NIPBL: variants seen among roughly 807,000 people sequenced by gnomAD.
NIPBL encodes the protein nipped-B-like protein.
Under a neutral mutation model 321.8 loss-of-function variants are expected in NIPBL, and 19 were observed. The ratio of observed to expected loss-of-function variants is 0.06; its 90% CI spans 0.04 to 0.09. The LOEUF (loss-of-function observed/expected upper bound fraction) is 0.09. Among genes scored for constraint, NIPBL ranks in the 10% least tolerant of loss-of-function variants. The pLI, the probability that NIPBL is intolerant of heterozygous loss-of-function variation, is 1.00. For missense variants in NIPBL, 2,210 were observed against 3,327.0 expected (o/e 0.66, Z 8.26); for synonymous variants, 1,106 against 1,114.1 (o/e 0.99, Z 0.14).
rs552792437 is a variant in NIPBL, at chr5:37,037,476, C to G, written c.5971+989C>G. ...ATAGATACCCATTGCTTGAAGCGCACAAAGACTAGCATTACTTCCCATCTA... is the reference window on the plus strand; with the variant it reads ...ATAGATACCCATTGCTTGAAGCGCAGAAAGACTAGCATTACTTCCCATCTA... On this transcript the variant is annotated intron_variant, in intron 33 of 46. Coordinates refer to ENST00000282516, the MANE Select transcript of NIPBL (RefSeq NM_133433.4). Among the ~76,000 whole-genome samples the G allele has an allele frequency of 2.1e-4, 32 of 149,398 alleles. 1 individual carries two copies. The South Asian group carries it at 6.5e-3, about 30-fold the overall frequency.
At chr5:37,036,056 A>G (rs1416387559) in intron 32 of NIPBL, among the ~76,000 whole-genome samples, 1 of 152,064 alleles carries the variant, frequency 6.6e-6, no homozygotes, top group Non-Finnish European at 1.5e-5. Flanking sequence ...TGATTGGAAT[A>G]GGGAGAAAGG....
chr5:36,991,150 G>T (rs1220803537), intron 10 of NIPBL, among the ~76,000 whole-genome samples: 1 of 151,960 alleles, frequency 6.6e-6, no homozygotes, highest in African/African-American at 2.4e-5. Flanking sequence ...TGGCTGTAAT[G>T]TATCAATTTT....
chr5:36,952,333 G>A (rs1340365624), intron 1 of NIPBL, among the ~76,000 whole-genome samples: 1 of 151,940 alleles, frequency 6.6e-6, no homozygotes, highest in Non-Finnish European at 1.5e-5. Flanking sequence ...ACCTTAAAAA[G>A]ATAAATATTT....
At chr5:36,992,993 G>A (rs1353840571) in intron 10 of NIPBL, among the ~76,000 whole-genome samples, 1 of 151,872 alleles carries the variant, frequency 6.6e-6, no homozygotes, top group Non-Finnish European at 1.5e-5. Flanking sequence ...CACCCACCTC[G>A]GCCTCCCAAA....
intron 1 of NIPBL, among the ~76,000 whole-genome samples, chr5:36,931,615 C>A (rs910949653): frequency 6.6e-6 from 1 of 152,140 alleles, no homozygotes; most frequent in African/African-American, 2.4e-5. Flanking sequence ...TCACACCGGG[C>A]CTTCCCTTTT....
At chr5:37,014,945 T>C (rs1748761263) in intron 22 of NIPBL, among the ~76,000 whole-genome samples, 180 bp downstream of exon 22, 1 of 151,936 alleles carries the variant, frequency 6.6e-6, no homozygotes, top group Non-Finnish European at 1.5e-5. Context: ...AAAATTGGGA[T>C]GGGACTACAC....
In NIPBL at chr5:36,976,313, T is replaced by C. The variant is rs1399170032; in HGVS notation, c.1406T>C (p.Val469Ala). The C allele has an allele frequency of 6.2e-7, 1 of 1,612,432 alleles. No individual in the cohort carries two copies. Among genetic ancestry groups the C allele is most frequent in the East Asian group, 2.2e-5 (1 of 44,866 alleles). The change falls in exon 9 of 47, where the codon GTG (valine) becomes GCG (alanine). Residue 469 changes from valine to alanine, a missense_variant. Around this residue, in one of 14 missense-constraint regions of NIPBL, gnomAD observed 464 missense variants for 529.5 expected, o/e 0.88. Transcript: ENST00000282516. ...CAACAGGGACCTATATATGATGAAG[T>C]GGAATTGGATGCATTGGCTGAAATT... ...ISQQGPIYDE[V>A]ELDALAEIER...
chr5:37,055,577 A>G lies in NIPBL; in HGVS notation c.7264-1609A>G, dbSNP rs149967488. Among the ~76,000 whole-genome samples, 138 of 152,228 alleles carry G rather than the reference A, an allele frequency of 9.1e-4. 1 individual carries two copies. In the East Asian group the frequency reaches 0.024, roughly 27 times the overall value. On this transcript the variant is annotated intron_variant, in intron 42 of 46. Coordinates refer to ENST00000282516, the MANE Select transcript of NIPBL (RefSeq NM_133433.4). ...TCAAAGAGGTAGGAAGAGAAAACTT[A>G]GGAAGAAGATTTCATGAAGGAAAGT...
intron 32 of NIPBL, among the ~76,000 whole-genome samples, chr5:37,029,667 C>T (rs1190511122): frequency 5.3e-5 from 8 of 152,168 alleles, no homozygotes; most frequent in Non-Finnish European, 1.2e-4. Context: ...TTCATTTCCA[C>T]CATCAGTGTA....
At chr5:37,008,845 C>A in intron 20 of NIPBL, 122 bp downstream of exon 20, 1 of 682,518 alleles carries the variant, frequency 1.5e-6, no homozygotes, top group South Asian at 1.7e-5. Context: ...GCAGTTACAT[C>A]AGAACAGCAT....
intron 1 of NIPBL, chr5:36,886,335 C>T (rs571894651): frequency 1.3e-5 from 9 of 692,842 alleles, no homozygotes; most frequent in African/African-American, 3.5e-5. Flanking sequence ...AGGCTGAGAG[C>T]GCCACCTGCC....
intron 3 of NIPBL, among the ~76,000 whole-genome samples, chr5:36,956,613 CTTCT>C: frequency 7.4e-6 from 1 of 135,090 alleles, no homozygotes; most frequent in Admixed American, 7.4e-5. Context: ...ATCTAAATCA[CTTCT>C]TTTTTTTTTT....
chr5:36,927,028 T>C (rs946788826), intron 1 of NIPBL, among the ~76,000 whole-genome samples: 5 of 152,246 alleles, frequency 3.3e-5, no homozygotes, highest in African/African-American at 1.2e-4. Context: ...GTTGGTTTTG[T>C]TGACGTTAGA....
At chr5:37,028,360 A>G (rs1206609216) in intron 32 of NIPBL, among the ~76,000 whole-genome samples, 20 of 106,920 alleles carry the variant, frequency 1.9e-4, no homozygotes, top group Middle Eastern at 7.8e-3. Context: ...TTTTTGAGAT[A>G]GAGTCTCACT....
chr5:37,024,676 G>T lies in NIPBL; in HGVS notation c.5666G>T (p.Cys1889Phe). 1 of 1,611,970 alleles carries T rather than the reference G, an allele frequency of 6.2e-7. No individual in the cohort carries two copies. The highest frequency in any genetic ancestry group is 8.5e-7 in the Non-Finnish European group (1 of 1,178,534). ...ACATTTCCAAAAATCACAGAAATGT[G>T]TGTAAAAATGATTCGCAGAGTCAAT... Reference protein sequence around the residue: ...QPTFPKITEMCVKMIRRVNDE... With the variant: ...QPTFPKITEMFVKMIRRVNDE... The change falls in exon 30 of 47, where the codon TGT becomes TTT. Residue 1889 changes from cysteine to phenylalanine, a missense_variant. By Grantham distance (205) the Cys-to-Phe change is radical (BLOSUM62 -2). Coordinates refer to ENST00000282516, the MANE Select transcript of NIPBL (RefSeq NM_133433.4).
At chr5:37,048,481 G>T (rs1753191536) in intron 38 of NIPBL, 21 bp from the exon 39 acceptor site, 3 of 1,487,788 alleles carry the variant, frequency 2.0e-6, no homozygotes, top group African/African-American at 2.8e-5. Context: ...TATATGATGA[G>T]ATTTTTCCCC....
intron 34 of NIPBL, among the ~76,000 whole-genome samples, chr5:37,041,251 G>GTTTTTTTTT (rs1561200046): frequency 1.1e-5 from 1 of 93,684 alleles, no homozygotes; most frequent in African/African-American, 6.9e-5. Flanking sequence ...GTTATGTGGT[G>GTTTTTTTTT]GTTTTTTTTT....
chr5:36,940,475 G>A (rs978392844), intron 1 of NIPBL, among the ~76,000 whole-genome samples: 16 of 152,150 alleles, frequency 1.1e-4, no homozygotes, highest in African/African-American at 3.9e-4. Context: ...TCCTTAGCTA[G>A]GCTCTGTCCT....
chr5:37,023,511 T>C (rs191168635), intron 29 of NIPBL, among the ~76,000 whole-genome samples: 82 of 152,280 alleles, frequency 5.4e-4, no homozygotes, highest in African/African-American at 1.9e-3. Flanking sequence ...CAAACATTTT[T>C]TACTTCTTTT....
Sources: allele counts gnomAD v4.1 joint callset (sites outside exome capture counted in the v4.1 genomes callset), GRCh38; gene constraint gnomAD v4.1.1; regional missense constraint gnomAD v4.1.1; transcripts MANE v1.5; gene names NCBI Gene and HGNC (gene_info 2026-07-23, HGNC 2026-07-21).